DLG2: variants seen among roughly 807,000 people sequenced by gnomAD.
The protein encoded by DLG2 is discs large MAGUK scaffold protein 2.
Under a neutral mutation model 132.5 loss-of-function variants are expected in DLG2, and 45 were observed. That is an observed-to-expected ratio of 0.34 (90% CI 0.27 to 0.44). DLG2 has a LOEUF of 0.44. Ranked by LOEUF, DLG2 falls within the 20% of genes least tolerant of loss-of-function variation. DLG2 has a pLI of 1.00. For missense variants in DLG2, 1,045 were observed against 1,196.9 expected, an observed-to-expected ratio of 0.87 and a Z score of 1.87; for synonymous variants, 424 against 419.6, an observed-to-expected ratio of 1.01 and a Z score of -0.13.
intron 7 of DLG2, among the ~76,000 whole-genome samples, chr11:84,492,621 G>A (rs2099168254): frequency 6.6e-6 from 1 of 152,148 alleles, no homozygotes. Flanking sequence ...GTAATGTGAA[G>A]AGTAGAATAA....
chr11:85,428,451 C>T (rs550581522), intron 3 of DLG2, among the ~76,000 whole-genome samples: 2 of 152,270 alleles, frequency 1.3e-5, no homozygotes, highest in South Asian at 2.1e-4. Context: ...TGCAATCAAA[C>T]TAGAACTCAG....
chr11:84,556,650 G>A (rs1286794141), intron 6 of DLG2, among the ~76,000 whole-genome samples: 1 of 152,176 alleles, frequency 6.6e-6, no homozygotes, highest in African/African-American at 2.4e-5. Flanking sequence ...GGACAAGCTG[G>A]GTTAGAGGGT....
intron 6 of DLG2, among the ~76,000 whole-genome samples, chr11:84,972,919 C>A (rs1477796928): frequency 6.6e-6 from 1 of 151,614 alleles, no homozygotes; most frequent in African/African-American, 2.4e-5. Context: ...CTAGCTGTGA[C>A]CTTTGGCCAA....
chr11:85,261,571 G>A (rs181074964), intron 4 of DLG2, among the ~76,000 whole-genome samples: 9 of 152,206 alleles, frequency 5.9e-5, no homozygotes, highest in East Asian at 1.9e-4. Context: ...TGGATCTTGC[G>A]GGAGGAAGGG....
At chr11:84,277,866 C>T (rs1245118480) in intron 7 of DLG2, among the ~76,000 whole-genome samples, 1 of 152,062 alleles carries the variant, frequency 6.6e-6, no homozygotes, top group East Asian at 1.9e-4. Context: ...GCCAATCCTA[C>T]AATCCTACAA....
At position 83,855,027 on chromosome 11, in the gene DLG2, C is replaced by A. The variant is rs143990895; in HGVS notation, c.1565+19393G>T. Among the ~76,000 whole-genome samples, 422 of 152,170 alleles carry A rather than the reference C, an allele frequency of 2.8e-3. 4 individuals are homozygous for A. Among genetic ancestry groups the A allele is most frequent in the African/African-American group, 9.4e-3 (391 of 41,508 alleles). On this transcript the variant is annotated intron_variant, in intron 16 of 27. Transcript: ENST00000376104. ...AAATGGGCCACAGAACCTCAGACACCTCATCAAAGAAGATAAACAGATGAC... is the reference window on the plus strand; with the variant it reads ...AAATGGGCCACAGAACCTCAGACACATCATCAAAGAAGATAAACAGATGAC...
intron 11 of DLG2, among the ~76,000 whole-genome samples, chr11:84,012,396 T>C (rs1184734234): frequency 6.6e-6 from 1 of 152,160 alleles, no homozygotes; most frequent in Non-Finnish European, 1.5e-5. Flanking sequence ...TTTACTCTAA[T>C]AGCCTTTGGA....
chr11:84,557,575 AATTT>A (rs2099414444), intron 6 of DLG2, among the ~76,000 whole-genome samples: 1 of 152,006 alleles, frequency 6.6e-6, no homozygotes, highest in Non-Finnish European at 1.5e-5. Flanking sequence ...TTCATTGAGA[AATTT>A]ATTTATGTTG....
At chr11:83,581,048 C>G (rs910582544) in intron 19 of DLG2, among the ~76,000 whole-genome samples, 2 of 151,584 alleles carry the variant, frequency 1.3e-5, no homozygotes, top group Non-Finnish European at 2.9e-5. Context: ...CTCTGAGAGA[C>G]AAGTTTGCGA....
chr11:83,765,454 C>A (rs1295350772), intron 18 of DLG2, among the ~76,000 whole-genome samples: 1 of 152,206 alleles, frequency 6.6e-6, no homozygotes, highest in Non-Finnish European at 1.5e-5. Flanking sequence ...AATCAAAATT[C>A]TGGCTCTTGA....
chr11:84,897,264 T>C (rs977519432), intron 6 of DLG2, among the ~76,000 whole-genome samples: 2 of 148,636 alleles, frequency 1.3e-5, no homozygotes, highest in Non-Finnish European at 3.0e-5. Flanking sequence ...TTATGGTCTA[T>C]ATGGGTAATT....
intron 6 of DLG2, among the ~76,000 whole-genome samples, chr11:84,654,140 T>G (rs2099685372): frequency 6.6e-6 from 1 of 152,154 alleles, no homozygotes; most frequent in South Asian, 2.1e-4. Context: ...TCCAAAAGCT[T>G]TCTTCTCCAT....
chr11:84,795,897 C>T (rs1323009718), intron 6 of DLG2, among the ~76,000 whole-genome samples: 8 of 152,152 alleles, frequency 5.3e-5, no homozygotes, highest in African/African-American at 2.4e-5. Flanking sequence ...CCAGCACGCA[C>T]GCTGACACCT....
intron 19 of DLG2, among the ~76,000 whole-genome samples, chr11:83,586,416 T>C (rs1308002986): frequency 6.6e-6 from 1 of 152,234 alleles, no homozygotes; most frequent in Non-Finnish European, 1.5e-5. Flanking sequence ...GGGTCAATTA[T>C]TTTGCTTCTC....
chr11:85,031,488 C>T (rs1291899610), intron 6 of DLG2, among the ~76,000 whole-genome samples: 1 of 152,030 alleles, frequency 6.6e-6, no homozygotes, highest in Non-Finnish European at 1.5e-5. Flanking sequence ...TTGGTCCTTT[C>T]TTTTTTCTAC....
intron 4 of DLG2, among the ~76,000 whole-genome samples, chr11:85,156,466 T>G (rs17148028): frequency 0.094 from 14,372 of 152,204 alleles, 927 homozygotes; most frequent in African/African-American, 0.18. Context: ...GAAGAGCAGT[T>G]TCAGGCTCAA....
rs1431421112 is a variant in DLG2, at chr11:84,581,096, T to TA, written c.358-46366dup. ...GTTAAACAGCTGCTCTCCCTTTTTTTATGGTGGAACTCATTATTTTATTTC... is the reference window on the plus strand; with the variant it reads ...GTTAAACAGCTGCTCTCCCTTTTTTTAATGGTGGAACTCATTATTTTATTTC... On this transcript the variant is annotated intron_variant, in intron 6 of 27. Transcript: ENST00000376104. 4.6e-5 allele frequency among the ~76,000 whole-genome samples: 7 copies of TA among 152,328 alleles called. No homozygotes were observed. In the East Asian group the frequency reaches 1.2e-3, roughly 25 times the overall value.
intron 7 of DLG2, among the ~76,000 whole-genome samples, chr11:84,417,636 T>G (rs192875164): frequency 1.3e-4 from 20 of 152,142 alleles, no homozygotes; most frequent in Non-Finnish European, 1.5e-4. Context: ...CCCATGCCCA[T>G]CTTCTCTGCC....
At chr11:85,265,486 C>A (rs1262808026) in intron 4 of DLG2, among the ~76,000 whole-genome samples, 1 of 152,182 alleles carries the variant, frequency 6.6e-6, no homozygotes, top group African/African-American at 2.4e-5. Context: ...CCTTCCATGG[C>A]AGCACTCTGG....
Sources: gnomAD v4.1 joint callset for allele counts (sites outside exome capture counted in the v4.1 genomes callset) on GRCh38, gnomAD v4.1.1 for gene constraint, MANE v1.5 for transcripts, NCBI Gene and HGNC (gene_info 2026-07-23, HGNC 2026-07-21) for gene names.